SETDB1: variants seen among roughly 807,000 people sequenced by gnomAD.
SETDB1 encodes the protein SET domain bifurcated histone lysine methyltransferase 1, also known as histone-lysine N-methyltransferase SETDB1.
SETDB1 carries 31 observed loss-of-function variants against 137.4 expected under a neutral mutation model. The observed-to-expected ratio is 0.23, with a 90% CI of 0.17 to 0.30. The LOEUF (loss-of-function observed/expected upper bound fraction) is 0.30, where lower values mean the gene tolerates loss of function less well. SETDB1 is among the 10% of genes least tolerant of loss of function. The pLI is 1.00. For synonymous variants in SETDB1, 548 were observed against 579.9 expected (o/e 0.95, Z 0.79); for missense variants, 1,113 against 1,631.5 (o/e 0.68, Z 5.47).
At chr1:150,928,245 G>T (rs1669603021) in intron 2 of SETDB1, 2 of 422,490 alleles carry the variant, frequency 4.7e-6, no homozygotes, top group African/African-American at 4.0e-5. Flanking sequence ...TTTTAGTAGA[G>T]ACAGGGTTTC....
chr1:150,949,959 C>T (rs1177180218), intron 12 of SETDB1, among the ~76,000 whole-genome samples: 1 of 152,096 alleles, frequency 6.6e-6, no homozygotes, highest in Non-Finnish European at 1.5e-5. Context: ...TTAGGCCGGG[C>T]GCGGTGGCTC....
At chr1:150,943,817 G>T (rs979750160) in intron 7 of SETDB1, 103 bp from the exon 8 acceptor site, 2 of 724,740 alleles carry the variant, frequency 2.8e-6, no homozygotes, top group Middle Eastern at 2.5e-4. Context: ...GGAGTGCATC[G>T]TGTTGTGATC....
intron 3 of SETDB1, among the ~76,000 whole-genome samples, chr1:150,934,990 T>G: frequency 6.6e-6 from 1 of 152,084 alleles, no homozygotes; most frequent in East Asian, 1.9e-4. Context: ...CCCGGCTAAT[T>G]TTGTCTTTTT....
Position 150,951,394 on chromosome 1 carries a change from T to A in SETDB1, c.2246T>A (p.Ile749Asn), listed in dbSNP as rs761588161. 4 of 1,613,306 alleles carry A rather than the reference T, an allele frequency of 2.5e-6. No homozygotes were observed. Among genetic ancestry groups the A allele is most frequent in the Non-Finnish European group, 3.4e-6 (4 of 1,179,384 alleles). The change falls in exon 14 of 22, where the codon ATC (isoleucine) becomes AAC (asparagine). Residue 749 changes from isoleucine to asparagine, a missense_variant. Physicochemically the swap from Ile to Asn is moderately radical, Grantham distance 149. Transcript: ENST00000692827. ...AAGTGTGCCTGCCATCAACTAACTA[T>A]CCAGGCTACAGCCTGTACCCCAGGA... ...KSKCACHQLT[I>N]QATACTPGGQ...
chr1:150,945,822 C>G (rs932271782), intron 9 of SETDB1, among the ~76,000 whole-genome samples: 4 of 152,060 alleles, frequency 2.6e-5, no homozygotes, highest in Admixed American at 6.6e-5. Context: ...CTCCTGGGTT[C>G]AAGTGATTCT....
intron 9 of SETDB1, among the ~76,000 whole-genome samples, chr1:150,945,746 G>T (rs751476720): frequency 5.3e-5 from 8 of 152,042 alleles, no homozygotes; most frequent in African/African-American, 1.9e-4. Flanking sequence ...GTTTTCAGAC[G>T]GAGTTTCACT....
chr1:150,948,457 G>A (rs1484974803), intron 10 of SETDB1, among the ~76,000 whole-genome samples: 1 of 151,934 alleles, frequency 6.6e-6, no homozygotes, highest in Non-Finnish European at 1.5e-5. Context: ...TGTTAGTAGA[G>A]ACGGGATTTC....
In SETDB1 at chr1:150,960,996, G is replaced by A; in HGVS notation, c.2937G>A (p.Lys979=). 2.5e-6 allele frequency: 4 copies of A among 1,613,672 alleles called. No homozygotes were observed. Among genetic ancestry groups the A allele is most frequent in the Admixed American group, 1.7e-5 (1 of 59,966 alleles). ...CNPPSSEETP[K]NKVASWLSCN... ...CACCTTCCTCCGAAGAGACACCCAA[G>A]AACAAGGTGGCCTCATGGTTGAGCT... is the stretch of plus-strand genomic sequence containing the variant. The change falls in exon 16 of 22, where the codon AAG becomes AAA. Residue 979 remains lysine (K), a synonymous_variant. Transcript: ENST00000692827.
chr1:150,952,792 C>T (rs1670529208), intron 14 of SETDB1, among the ~76,000 whole-genome samples: 2 of 151,890 alleles, frequency 1.3e-5, no homozygotes, highest in South Asian at 4.1e-4. Context: ...GAGGCTGAGG[C>T]AGGAGAATTG....
At chr1:150,962,233 A>G in intron 17 of SETDB1, 75 bp downstream of exon 17, 1 of 1,331,184 alleles carries the variant, frequency 7.5e-7, no homozygotes, top group African/African-American at 1.4e-5. Flanking sequence ...CAGTGGCGTA[A>G]TCTCAGCTCA....
chr1:150,964,437 C>G lies in SETDB1; in HGVS notation c.*73C>G, dbSNP rs1371031169. 5 of 1,125,014 alleles carry G rather than the reference C, an allele frequency of 4.4e-6. No homozygotes were observed. Among genetic ancestry groups the G allele is most frequent in the Non-Finnish European group, 6.7e-6 (5 of 751,528 alleles). 69.7% of individuals were successfully genotyped at this position (1,125,014 alleles called of 1,614,324 possible). A position where few individuals can be genotyped will look rare whatever the true frequency, so the allele number is the denominator to read the frequency against. ...ACTGGGTCTTCCTGATTGTTGAACC[C>G]TGACCCGAAGTCTCTGGGCTAGCTA... On this transcript the variant is annotated 3_prime_UTR_variant, in exon 22 of 22. Coordinates refer to ENST00000692827, the MANE Select transcript of SETDB1 (RefSeq NM_001366418.1).
intron 1 of SETDB1, chr1:150,926,766 C>G (rs746778875): frequency 1.7e-5 from 9 of 533,362 alleles, no homozygotes; most frequent in South Asian, 1.3e-4. Context: ...ATTAAAAAAG[C>G]AGTTCACACG....
At chr1:150,954,448 A>G (rs74127092) in intron 14 of SETDB1, among the ~76,000 whole-genome samples, 11,328 of 152,222 alleles carry the variant, frequency 0.074, 1,432 homozygotes, top group African/African-American at 0.26. Context: ...GAAAAGCATC[A>G]GTGAAATAAT....
intron 3 of SETDB1, among the ~76,000 whole-genome samples, chr1:150,936,050 A>G (rs6587544): frequency 0.97 from 148,468 of 152,298 alleles, 72,454 homozygotes; most frequent in Non-Finnish European, 1. Flanking sequence ...GCAATGGCGC[A>G]ATCTCGGCTC....
intron 14 of SETDB1, among the ~76,000 whole-genome samples, chr1:150,958,870 A>C (rs1030097567): frequency 1.3e-5 from 2 of 152,064 alleles, no homozygotes; most frequent in African/African-American, 4.8e-5. Flanking sequence ...CTGTATTCCC[A>C]TTATAGTTTA....
chr1:150,949,870 T>C (rs924292447), intron 12 of SETDB1, among the ~76,000 whole-genome samples: 12 of 152,288 alleles, frequency 7.9e-5, no homozygotes, highest in Admixed American at 7.8e-4. Context: ...AAAAAAACAT[T>C]GGTAGAAGAC....
chr1:150,964,468 C>G lies in SETDB1; in HGVS notation c.*104C>G. 1.2e-6 allele frequency: 1 copy of G among 804,288 alleles called. No homozygotes were observed. The highest frequency in any genetic ancestry group is 1.4e-5 in the South Asian group (1 of 69,462). The allele number at this position is 804,288 out of a possible 1,614,324, so 49.8% of individuals were successfully genotyped here. On this transcript the variant is annotated 3_prime_UTR_variant, in exon 22 of 22. Coordinates refer to ENST00000692827, the MANE Select transcript of SETDB1 (RefSeq NM_001366418.1). ...CGAAGTCTCTGGGCTAGCTACTCCC[C>G]CCAGCTCCTAGTTGATAGAAATGGG...
rs2102714470 is a variant in SETDB1 at position 150,949,489 on chromosome 1, T to C, written c.1547T>C (p.Val516Ala). The change falls in exon 12 of 22, where the codon GTC (valine) becomes GCC (alanine). Residue 516 changes from valine to alanine, a missense_variant. Coordinates refer to ENST00000692827, the MANE Select transcript of SETDB1 (RefSeq NM_001366418.1). Reference protein sequence around the residue: ...SPTSPALSENVSGGKPGINQT... With the variant: ...SPTSPALSENASGGKPGINQT... Reference sequence around the variant, plus strand: ...ACATCTCCTGCACTCAGTGAAAATGTCTCTGGTGGGAAACCTGGGATCAAC... The same window carrying C: ...ACATCTCCTGCACTCAGTGAAAATGCCTCTGGTGGGAAACCTGGGATCAAC... The C allele has an allele frequency of 2.5e-6, 4 of 1,614,082 alleles. No individual in the cohort carries two copies. The East Asian group carries it at 8.9e-5, about 36-fold the overall frequency.
chr1:150,958,459 C>T (rs1236205911), intron 14 of SETDB1, among the ~76,000 whole-genome samples: 1 of 151,742 alleles, frequency 6.6e-6, no homozygotes, highest in Non-Finnish European at 1.5e-5. Flanking sequence ...ACTGTGTTAG[C>T]CAGGATGGTC....
Sources: gnomAD v4.1 joint callset for allele counts (sites outside exome capture counted in the v4.1 genomes callset) on GRCh38, gnomAD v4.1.1 for gene constraint, MANE v1.5 for transcripts, NCBI Gene and HGNC (gene_info 2026-07-23, HGNC 2026-07-21) for gene names.